Variants in PEX5L observed in about 807,000 individuals in gnomAD.
PEX5L encodes the protein peroxisomal biogenesis factor 5 like.
In PEX5L, 30 loss-of-function variants were observed where a neutral mutation model predicts 84.0. The observed-to-expected ratio is 0.36, with a 90% confidence interval of 0.27 to 0.48. The LOEUF is 0.48. Ranked by LOEUF, PEX5L falls within the 20% of genes least tolerant of loss-of-function variation. The pLI, the probability that PEX5L is intolerant of heterozygous loss-of-function variation, is 0.99. For missense variants in PEX5L, 533 were observed against 754.6 expected (o/e 0.71, Z 3.44); for synonymous variants, 270 against 283.1 (o/e 0.95, Z 0.46).
chr3:179,914,559 T>C (rs1766345257), intron 2 of PEX5L, among the ~76,000 whole-genome samples: 1 of 152,196 alleles, frequency 6.6e-6, no homozygotes, highest in Non-Finnish European at 1.5e-5. Context: ...GGCACAAAGG[T>C]GTTAAATGAA....
intron 4 of PEX5L, chr3:179,880,832 C>T (rs1372055685): frequency 6.6e-6 from 1 of 152,200 alleles, no homozygotes; most frequent in African/African-American, 2.4e-5. Context: ...GCAAATAAGG[C>T]AAATGAGAAT....
intron 7 of PEX5L, among the ~76,000 whole-genome samples, chr3:179,873,415 C>T (rs2108691299): frequency 6.6e-6 from 1 of 152,160 alleles, no homozygotes; most frequent in East Asian, 1.9e-4. Context: ...AACACTGAAT[C>T]TCATCTCAAC....
At chr3:180,033,858 G>A (rs954819330) in intron 1 of PEX5L, among the ~76,000 whole-genome samples, 4 of 152,100 alleles carry the variant, frequency 2.6e-5, no homozygotes, top group African/African-American at 9.7e-5. Flanking sequence ...ATATACCTGC[G>A]GCTTTTACTA....
intron 1 of PEX5L, among the ~76,000 whole-genome samples, chr3:179,982,930 A>T (rs2110337721): frequency 6.6e-6 from 1 of 152,184 alleles, no homozygotes; most frequent in African/African-American, 2.4e-5. Context: ...TTTTAAAAAA[A>T]ACCACTAAAA....
At chr3:179,919,793 C>A (rs185264610) in intron 2 of PEX5L, among the ~76,000 whole-genome samples, 1 of 152,330 alleles carries the variant, frequency 6.6e-6, no homozygotes, top group Non-Finnish European at 1.5e-5. Context: ...ACCTCTGCCT[C>A]CCGGGTTCAA....
In PEX5L at chr3:179,978,479, A is replaced by T. The variant is rs562652879; in HGVS notation, c.22-6814T>A. ...ACTGCAAAGTTAAAATAATTTTTACAGAGAGACCCTGTGTACTCAACTACC... is the reference window on the plus strand; with the variant it reads ...ACTGCAAAGTTAAAATAATTTTTACTGAGAGACCCTGTGTACTCAACTACC... On this transcript the variant is annotated intron_variant, in intron 1 of 14. Coordinates refer to ENST00000467460, the MANE Select transcript of PEX5L (RefSeq NM_016559.3). 1.6e-3 allele frequency among the ~76,000 whole-genome samples: 248 copies of T among 152,302 alleles called. 3 individuals are homozygous for T. Among genetic ancestry groups the T allele is most frequent in the Middle Eastern group, 6.8e-3 (2 of 294 alleles).
intron 8 of PEX5L, among the ~76,000 whole-genome samples, chr3:179,830,052 C>T (rs566649591): frequency 6.6e-6 from 1 of 150,878 alleles, no homozygotes; most frequent in Non-Finnish European, 1.5e-5. Flanking sequence ...CCACCTTGGC[C>T]TCCCAAAGTG....
At chr3:179,861,338 A>T (rs1746053141) in intron 7 of PEX5L, among the ~76,000 whole-genome samples, 1 of 152,176 alleles carries the variant, frequency 6.6e-6, no homozygotes, top group African/African-American at 2.4e-5. Context: ...GTTATAGGAG[A>T]CTGAAAGGGG....
chr3:179,831,742 A>G (rs1308848874), intron 8 of PEX5L, among the ~76,000 whole-genome samples: 1 of 152,188 alleles, frequency 6.6e-6, no homozygotes, highest in Non-Finnish European at 1.5e-5. Flanking sequence ...GGTTGAACAA[A>G]TGTCAGCCAT....
At chr3:179,900,779 CTT>C (rs778671235) in intron 2 of PEX5L, 1 of 1,384,318 alleles carries the variant, frequency 7.2e-7, no homozygotes, top group South Asian at 1.3e-5. Flanking sequence ...CTGCTAGCAA[CTT>C]TTTTCTTTAC....
intron 8 of PEX5L, among the ~76,000 whole-genome samples, chr3:179,828,621 G>A (rs1034422418): frequency 2.6e-5 from 4 of 152,024 alleles, no homozygotes; most frequent in African/African-American, 9.7e-5. Flanking sequence ...AGGGGTATGT[G>A]AGCAGCAGTC....
intron 1 of PEX5L, among the ~76,000 whole-genome samples, chr3:180,026,133 C>CTTTTTTTTTTTT (rs368852075): frequency 2.9e-5 from 3 of 101,762 alleles, no homozygotes; most frequent in Non-Finnish European, 4.1e-5. Context: ...TTTCAGCATT[C>CTTTTTTTTTTTT]TTTTTTTTTT....
intron 2 of PEX5L, among the ~76,000 whole-genome samples, chr3:179,945,704 C>G (rs1194178400): frequency 6.6e-6 from 1 of 152,208 alleles, no homozygotes; most frequent in East Asian, 1.9e-4. Context: ...GGGAGTGCTA[C>G]AGAGGTTTAT....
intron 10 of PEX5L, among the ~76,000 whole-genome samples, chr3:179,813,566 T>C (rs1724732742): frequency 6.6e-6 from 1 of 152,148 alleles, no homozygotes; most frequent in Non-Finnish European, 1.5e-5. Flanking sequence ...TGGCACGATC[T>C]CGGCTCACTG....
At chr3:179,870,692 C>T (rs1320592519) in intron 7 of PEX5L, among the ~76,000 whole-genome samples, 1 of 152,196 alleles carries the variant, frequency 6.6e-6, no homozygotes, top group Non-Finnish European at 1.5e-5. Flanking sequence ...TATTTAGGCT[C>T]CAATCATCTG....
At chr3:179,896,026 C>T (rs1759147930) in intron 3 of PEX5L, 1 of 152,086 alleles carries the variant, frequency 6.6e-6, no homozygotes, top group African/African-American at 2.4e-5. Context: ...AGTACATTCA[C>T]ACAAGATAAC....
chr3:179,975,284 A>G (rs1398322500), intron 1 of PEX5L, among the ~76,000 whole-genome samples: 1 of 152,234 alleles, frequency 6.6e-6, no homozygotes, highest in African/African-American at 2.4e-5. Flanking sequence ...TAACACAACA[A>G]TGAAATCTGA....
intron 2 of PEX5L, among the ~76,000 whole-genome samples, chr3:179,944,906 A>T (rs1777114687): frequency 6.6e-6 from 1 of 152,170 alleles, no homozygotes; most frequent in South Asian, 2.1e-4. Context: ...CAGGACGTTC[A>T]CTCAGGTCTC....
intron 2 of PEX5L, among the ~76,000 whole-genome samples, chr3:179,949,524 G>A (rs1228892620): frequency 6.6e-6 from 1 of 152,150 alleles, no homozygotes; most frequent in African/African-American, 2.4e-5. Context: ...AACCCATTAA[G>A]TATTACTTTA....
Sources: allele counts gnomAD v4.1 joint callset (sites outside exome capture counted in the v4.1 genomes callset), GRCh38; gene constraint gnomAD v4.1.1; transcripts MANE v1.5; gene names NCBI Gene and HGNC (gene_info 2026-07-23, HGNC 2026-07-21).